The following SLC38A6 variants were observed in gnomAD, a reference collection of about 807,000 sequenced individuals.
SLC38A6 encodes the protein solute carrier family 38 member 6.
A neutral mutation model predicts 65.0 loss-of-function variants in SLC38A6; 73 were observed. The observed-to-expected ratio is 1.12, with a 90% CI of 0.93 to 1.37. The LOEUF (loss-of-function observed/expected upper bound fraction) is 1.37. SLC38A6 is among the 40% of genes most tolerant of loss of function. The pLI, the probability that SLC38A6 is intolerant of heterozygous loss-of-function variation, is 0.00. For missense variants in SLC38A6, 561 were observed against 531.1 expected, an observed-to-expected ratio of 1.06 and a Z score of -0.55; for synonymous variants, 183 against 178.8, an observed-to-expected ratio of 1.02 and a Z score of -0.19.
chr14:61,015,023 G>A (rs1020424434), intron 3 of SLC38A6, among the ~76,000 whole-genome samples: 5 of 152,180 alleles, frequency 3.3e-5, no homozygotes, highest in Admixed American at 3.3e-4. Flanking sequence ...AGCTGTGGTG[G>A]GCTCCACCCA....
intron 3 of SLC38A6, among the ~76,000 whole-genome samples, chr14:60,995,107 T>A (rs541969099): frequency 6.6e-6 from 1 of 151,900 alleles, no homozygotes; most frequent in East Asian, 1.9e-4. Flanking sequence ...AACCATGTGA[T>A]CCAGCAATTC....
downstream of SLC38A6, among the ~76,000 whole-genome samples, chr14:61,054,928 G>A (rs117839110): frequency 2.6e-4 from 40 of 152,078 alleles, no homozygotes; most frequent in East Asian, 7.2e-3. Context: ...GGGTATCCTC[G>A]TCTTAACGCC....
chr14:61,050,830 T>A (rs994636358), intron 13 of SLC38A6, among the ~76,000 whole-genome samples, 194 bp downstream of exon 13: 1 of 152,180 alleles, frequency 6.6e-6, no homozygotes, highest in Non-Finnish European at 1.5e-5. Context: ...GCCACTAAGC[T>A]AATTTGTGCT....
chr14:61,074,943 G>A (rs1346854151), intron 15 of SLC38A6, among the ~76,000 whole-genome samples: 1 of 151,924 alleles, frequency 6.6e-6, no homozygotes, highest in East Asian at 1.9e-4. Flanking sequence ...TTTACTAAAT[G>A]CCTGTGAATT....
Position 61,045,660 on chromosome 14 carries a change from G to A in SLC38A6, c.824+235G>A, listed in dbSNP as rs187601717. Among the ~76,000 whole-genome samples, 342 of 152,134 alleles carry A rather than the reference G, an allele frequency of 2.2e-3. 8 individuals are homozygous for A. In the East Asian group the frequency reaches 0.042, roughly 19 times the overall value. ...GCACTTTGGGAGGCCGAGGCAGGCG[G>A]GTCACCTGAGGTCAGGAGTTCAAGA... On this transcript the variant is annotated intron_variant, in intron 11 of 15. Transcript: ENST00000267488.
intron 3 of SLC38A6, among the ~76,000 whole-genome samples, chr14:60,998,262 A>G (rs2038433525): frequency 6.6e-6 from 1 of 151,864 alleles, no homozygotes; most frequent in Admixed American, 6.6e-5. Flanking sequence ...TCATGTCCAA[A>G]TGTTGCCTTC....
chr14:61,051,584 T>G (rs2042509267), intron 13 of SLC38A6, among the ~76,000 whole-genome samples: 1 of 152,196 alleles, frequency 6.6e-6, no homozygotes, highest in Non-Finnish European at 1.5e-5. Flanking sequence ...AAGCTAAGTA[T>G]TTTTATGAAG....
Position 60,983,924 on chromosome 14 carries a change from C to G in SLC38A6, c.237-806C>G, listed in dbSNP as rs374869573. 8.6e-5 allele frequency among the ~76,000 whole-genome samples: 13 copies of G among 151,996 alleles called. 1 individual carries two copies. The highest frequency in any genetic ancestry group is 6.6e-4 in the Admixed American group (10 of 15,266). On this transcript the variant is annotated intron_variant, in intron 2 of 15. Transcript: ENST00000267488. Reference sequence around the variant, plus strand: ...GCTAAAGTGTTATTTTGTGAAGTTCCTGATGTCAGTTTAATGACATTTGTA... The same window carrying G: ...GCTAAAGTGTTATTTTGTGAAGTTCGTGATGTCAGTTTAATGACATTTGTA...
At chr14:61,016,170 A>C (rs1399517061) in intron 4 of SLC38A6, among the ~76,000 whole-genome samples, 1 of 152,206 alleles carries the variant, frequency 6.6e-6, no homozygotes, top group Non-Finnish European at 1.5e-5. Flanking sequence ...CAATGCTTGA[A>C]TCTTTTAATA....
At position 61,043,035 on chromosome 14, in the gene SLC38A6, G is replaced by C. The variant is rs2041904093; in HGVS notation, c.625-112G>C. 6.0e-6 allele frequency: 4 copies of C among 664,336 alleles called. No individual in the cohort carries two copies. In the Admixed American group the frequency reaches 1.4e-4, roughly 24 times the overall value. 41.2% of individuals were successfully genotyped at this position (664,336 alleles called of 1,614,324 possible). A position where few individuals can be genotyped will look rare whatever the true frequency, so the allele number is the denominator to read the frequency against. On this transcript the variant is annotated intron_variant, in intron 8 of 15. Transcript: ENST00000267488. ...AACCGGGAAAAGTCACAGAAGCAGA[G>C]ACTCTTCTATTAGCATCTTATTTAA...
At chr14:61,000,711 A>AT (rs1210223808) in intron 3 of SLC38A6, among the ~76,000 whole-genome samples, 1 of 152,156 alleles carries the variant, frequency 6.6e-6, no homozygotes, top group Admixed American at 6.6e-5. Flanking sequence ...ACACTGACAC[A>AT]TACCATTTCT....
intron 3 of SLC38A6, 35 bp downstream of exon 3, chr14:60,984,838 A>G: frequency 6.3e-7 from 1 of 1,583,926 alleles, no homozygotes; most frequent in Non-Finnish European, 8.7e-7. Context: ...CATTTAATAA[A>G]GGAGTCTCTT....
intron 6 of SLC38A6, among the ~76,000 whole-genome samples, chr14:61,033,408 A>G (rs1044011125): frequency 6.6e-6 from 1 of 152,060 alleles, no homozygotes; most frequent in South Asian, 2.1e-4. Flanking sequence ...CAAGTTCTCT[A>G]GGAAGTATAA....
intron 3 of SLC38A6, among the ~76,000 whole-genome samples, chr14:60,998,055 A>G (rs1002957527): frequency 2.9e-5 from 4 of 137,662 alleles, no homozygotes; most frequent in Non-Finnish European, 6.6e-5. Context: ...TACATAAGCA[A>G]ATAATTTATA....
chr14:61,075,747 G>T (rs549039858), intron 15 of SLC38A6, among the ~76,000 whole-genome samples: 8 of 149,318 alleles, frequency 5.4e-5, no homozygotes, highest in African/African-American at 1.7e-4. Context: ...CAGAAATCAG[G>T]CTCCAAGAAC....
chr14:61,003,271 G>A (rs2038833126), intron 3 of SLC38A6, among the ~76,000 whole-genome samples: 1 of 151,948 alleles, frequency 6.6e-6, no homozygotes, highest in Non-Finnish European at 1.5e-5. Context: ...ATTCATTTTA[G>A]TCTTTTTATG....
chr14:61,054,703 T>A (rs769110291), downstream of SLC38A6, among the ~76,000 whole-genome samples: 3 of 152,196 alleles, frequency 2.0e-5, no homozygotes, highest in Non-Finnish European at 2.9e-5. Context: ...ATGCTAGTAA[T>A]TTTTGTACAT....
chr14:61,047,886 A>G (rs770726054), intron 12 of SLC38A6, among the ~76,000 whole-genome samples: 4 of 152,052 alleles, frequency 2.6e-5, no homozygotes, highest in Admixed American at 6.6e-5. Context: ...ATCACATGGT[A>G]GGTAGGTATA....
intron 16 of SLC38A6, among the ~76,000 whole-genome samples, chr14:61,082,332 T>G (rs566496102): frequency 2.0e-5 from 3 of 152,302 alleles, no homozygotes; most frequent in East Asian, 3.9e-4. Context: ...TTAGTCCTGT[T>G]GACTGCTTTG....
Sources: gnomAD v4.1 joint callset for allele counts (sites outside exome capture counted in the v4.1 genomes callset) on GRCh38, gnomAD v4.1.1 for gene constraint, MANE v1.5 for transcripts, NCBI Gene and HGNC (gene_info 2026-07-23, HGNC 2026-07-21) for gene names.